The following MYO18B variants were observed in gnomAD, a reference collection of about 807,000 sequenced individuals.
MYO18B encodes myosin XVIIIB, also known as unconventional myosin-XVIIIb.
Under a neutral mutation model 273.0 loss-of-function variants are expected in MYO18B, and 204 were observed. That is an observed-to-expected ratio of 0.75 (90% CI 0.67 to 0.84). The LOEUF is 0.84. Among genes scored for constraint, MYO18B ranks in the 40% least tolerant of loss-of-function variants. The pLI is 0.00. For missense variants in MYO18B, 3,212 were observed against 3,287.6 expected (o/e 0.98, Z 0.56); for synonymous variants, 1,330 against 1,305.7 (o/e 1.02, Z -0.40).
intron 12 of MYO18B, among the ~76,000 whole-genome samples, chr22:25,817,064 A>C (rs1213720990): frequency 6.6e-6 from 1 of 152,196 alleles, no homozygotes; most frequent in Admixed American, 6.5e-5. Context: ...GGGGAAAAAC[A>C]GCTATGTTAT....
rs1055236308 is a variant in MYO18B at position 25,835,553 on chromosome 22, G to C, written c.3208+110G>C. 5.9e-5 allele frequency: 79 copies of C among 1,340,294 alleles called. 1 individual carries two copies. Among genetic ancestry groups the C allele is most frequent in the African/African-American group, 5.8e-4 (40 of 69,068 alleles). 83.0% of individuals were successfully genotyped at this position (1,340,294 alleles called of 1,614,324 possible). A position where few individuals can be genotyped will look rare whatever the true frequency, so the allele number is the denominator to read the frequency against. On this transcript the variant is annotated intron_variant, in intron 17 of 43. Coordinates refer to ENST00000335473, the MANE Select transcript of MYO18B (RefSeq NM_032608.7). ...ACAAGGCCTGCACAGAGGCTCCAACGTGCAGAGGTGAATGTGCATGAGCCT... is the reference window on the plus strand; with the variant it reads ...ACAAGGCCTGCACAGAGGCTCCAACCTGCAGAGGTGAATGTGCATGAGCCT...
intron 20 of MYO18B, among the ~76,000 whole-genome samples, 160 bp from the exon 21 acceptor site, chr22:25,851,310 A>C (rs1464589587): frequency 6.6e-6 from 1 of 152,208 alleles, no homozygotes; most frequent in Non-Finnish European, 1.5e-5. Context: ...TTAAATTAAC[A>C]AATGGAGAAA....
intron 28 of MYO18B, chr22:25,897,512 T>C (rs2091835078): frequency 6.6e-6 from 1 of 152,190 alleles, no homozygotes. Context: ...AATTATAAAG[T>C]TGAGTCAGTT....
chr22:25,975,044 C>T (rs1461633293), intron 39 of MYO18B, among the ~76,000 whole-genome samples: 1 of 152,108 alleles, frequency 6.6e-6, no homozygotes, highest in Non-Finnish European at 1.5e-5. Flanking sequence ...CCTTGTGAGT[C>T]AAGCCCCTCG....
intron 42 of MYO18B, among the ~76,000 whole-genome samples, chr22:26,009,078 A>G (rs1934676221): frequency 6.6e-6 from 1 of 152,154 alleles, no homozygotes; most frequent in Admixed American, 6.5e-5. Flanking sequence ...CTGGGCAATT[A>G]TTCCAAACCA....
chr22:25,844,985 G>A (rs2090191633), intron 18 of MYO18B, among the ~76,000 whole-genome samples: 1 of 152,190 alleles, frequency 6.6e-6, no homozygotes, highest in Non-Finnish European at 1.5e-5. Context: ...CTCAGCGGCT[G>A]TAGCCCAGCT....
At chr22:25,806,855 T>C (rs926005354) in intron 12 of MYO18B, among the ~76,000 whole-genome samples, 1 of 152,220 alleles carries the variant, frequency 6.6e-6, no homozygotes, top group African/African-American at 2.4e-5. Flanking sequence ...CTCCCTGATC[T>C]CCTGGCAGTG....
intron 25 of MYO18B, among the ~76,000 whole-genome samples, chr22:25,885,622 C>T (rs1168202010): frequency 6.6e-6 from 1 of 152,074 alleles, no homozygotes; most frequent in African/African-American, 2.4e-5. Context: ...TGAAGCCGGA[C>T]TGGATCGCAG....
chr22:25,786,886 T>G (rs1381769062), intron 11 of MYO18B, among the ~76,000 whole-genome samples: 1 of 152,194 alleles, frequency 6.6e-6, no homozygotes, highest in Admixed American at 6.5e-5. Context: ...GGATGGCAAC[T>G]AAGCACATGA....
At position 26,022,431 on chromosome 22, in the gene MYO18B, T is replaced by C. The variant is rs1187046338; in HGVS notation, c.6471-4014T>C. On this transcript the variant is annotated intron_variant, in intron 42 of 43. Transcript: ENST00000335473. Reference sequence around the variant, plus strand: ...CTACAAAACGGCATCTGAATTCAGATTAAATTCTTCAGTCTCTATACAGAA... The same window carrying C: ...CTACAAAACGGCATCTGAATTCAGACTAAATTCTTCAGTCTCTATACAGAA... 2.2e-4 allele frequency among the ~76,000 whole-genome samples: 34 copies of C among 152,136 alleles called. 2 individuals carry two copies. Among genetic ancestry groups the C allele is most frequent in the Admixed American group, 2.2e-3 (34 of 15,276 alleles).
chr22:25,879,605 A>G (rs2091285597), intron 25 of MYO18B, among the ~76,000 whole-genome samples: 1 of 152,122 alleles, frequency 6.6e-6, no homozygotes, highest in Non-Finnish European at 1.5e-5. Flanking sequence ...GCTGGGGGTG[A>G]CTACATGAAT....
At chr22:26,024,837 C>G (rs1936119272) in intron 42 of MYO18B, among the ~76,000 whole-genome samples, 1 of 152,192 alleles carries the variant, frequency 6.6e-6, no homozygotes, top group Non-Finnish European at 1.5e-5. Flanking sequence ...GCTGCTATAA[C>G]AAGAACACCA....
At chr22:25,781,357 C>G (rs1051820231) in intron 9 of MYO18B, among the ~76,000 whole-genome samples, 2 of 152,076 alleles carry the variant, frequency 1.3e-5, no homozygotes, top group Admixed American at 6.6e-5. Context: ...CGCCTGTAAT[C>G]CCAGCACTTT....
intron 15 of MYO18B, among the ~76,000 whole-genome samples, chr22:25,829,532 A>AAG (rs1215510644): frequency 1.3e-5 from 2 of 151,978 alleles, no homozygotes; most frequent in Non-Finnish European, 2.9e-5. Flanking sequence ...TAAAAAAAAA[A>AAG]AAAAAGAGGT....
At chr22:25,815,066 T>C (rs2145848213) in intron 12 of MYO18B, among the ~76,000 whole-genome samples, 1 of 152,348 alleles carries the variant, frequency 6.6e-6, no homozygotes, top group East Asian at 1.9e-4. Context: ...GGTTGTTGCA[T>C]TGATGAGATT....
chr22:25,873,351 C>T (rs1294628576), intron 22 of MYO18B, among the ~76,000 whole-genome samples: 4 of 152,232 alleles, frequency 2.6e-5, no homozygotes, highest in Non-Finnish European at 5.9e-5. Flanking sequence ...TGGGTGGCAC[C>T]AGCCCAGCCC....
Position 25,763,072 on chromosome 22 carries a change from G to A in MYO18B, c.40-159G>A, listed in dbSNP as rs374823208. The A allele has an allele frequency of 8.8e-5, 74 of 838,148 alleles. 1 individual carries two copies. The highest frequency in any genetic ancestry group is 4.4e-4 in the Admixed American group (26 of 58,758). 51.9% of individuals were successfully genotyped at this position (838,148 alleles called of 1,614,324 possible). A position where few individuals can be genotyped will look rare whatever the true frequency, so the allele number is the denominator to read the frequency against. On this transcript the variant is annotated intron_variant, in intron 2 of 43. Transcript: ENST00000335473. Reference sequence around the variant, plus strand: ...GCTGTCTCAGGGACCCCCCTGAGTCGTGCTGGGCCTCACCTGCTTGGCTGT... The same window carrying A: ...GCTGTCTCAGGGACCCCCCTGAGTCATGCTGGGCCTCACCTGCTTGGCTGT...
At chr22:25,820,663 A>C (rs923815134) in intron 12 of MYO18B, among the ~76,000 whole-genome samples, 113 of 152,298 alleles carry the variant, frequency 7.4e-4, no homozygotes, top group African/African-American at 2.5e-3. Context: ...ATTATCATTT[A>C]TTTGTGTTAG....
At chr22:25,857,116 A>G (rs978956839) in intron 21 of MYO18B, among the ~76,000 whole-genome samples, 1 of 152,170 alleles carries the variant, frequency 6.6e-6, no homozygotes, top group African/African-American at 2.4e-5. Context: ...TCCTCTGGTT[A>G]GATGATGCTT....
Sources: allele counts gnomAD v4.1 joint callset (sites outside exome capture counted in the v4.1 genomes callset), GRCh38; gene constraint gnomAD v4.1.1; transcripts MANE v1.5; gene names NCBI Gene and HGNC (gene_info 2026-07-23, HGNC 2026-07-21).